MTHFD2L: variants seen among roughly 807,000 people sequenced by gnomAD.
MTHFD2L encodes bifunctional methylenetetrahydrofolate dehydrogenase/cyclohydrolase 2, mitochondrial.
MTHFD2L carries 29 observed loss-of-function variants against 34.9 expected under a neutral mutation model. The ratio of observed to expected loss-of-function variants is 0.83; its 90% CI spans 0.62 to 1.13. The LOEUF is 1.13. Ranked by LOEUF, MTHFD2L falls within the 50% of genes most tolerant of loss-of-function variation. The probability of loss-of-function intolerance (pLI) is 0.00; values close to 1 mark genes in which losing one functional copy is unlikely to be tolerated. For synonymous variants in MTHFD2L, 167 were observed against 155.7 expected, an observed-to-expected ratio of 1.07 and a Z score of -0.54; for missense variants, 481 against 446.5, an observed-to-expected ratio of 1.08 and a Z score of -0.70.
chr4:74,239,525 T>C (rs1741387270), intron 6 of MTHFD2L, among the ~76,000 whole-genome samples: 1 of 151,940 alleles, frequency 6.6e-6, no homozygotes. Flanking sequence ...TGTCTTTTAC[T>C]GAAGCACATT....
rs138936051 is a variant in MTHFD2L at position 74,238,292 on chromosome 4, A to C, written c.805+12898A>C. ...AGAAGGAAGGAATGTGTATTGGTAT[A>C]TATCTGTGGTGCGTTCTAAGGCAAC... On this transcript the variant is annotated intron_variant, in intron 6 of 7. Coordinates refer to ENST00000325278, the MANE Select transcript of MTHFD2L (RefSeq NM_001144978.3). Among the ~76,000 whole-genome samples, 893 of 152,242 alleles carry C rather than the reference A, an allele frequency of 5.9e-3. 16 individuals are homozygous for C. Among genetic ancestry groups the C allele is most frequent in the Non-Finnish European group, 4.1e-3 (277 of 68,000 alleles).
At chr4:74,182,441 A>G (rs574925106) in intron 3 of MTHFD2L, among the ~76,000 whole-genome samples, 10 of 152,322 alleles carry the variant, frequency 6.6e-5, no homozygotes, top group African/African-American at 2.4e-4. Flanking sequence ...TATTGTATAC[A>G]GGCCACGTTA....
At chr4:74,225,232 C>G (rs1738951342) in intron 5 of MTHFD2L, 70 bp from the exon 6 acceptor site, 2 of 1,156,164 alleles carry the variant, frequency 1.7e-6, no homozygotes. Context: ...TGAAACTCTT[C>G]TGGATTTAGA....
At chr4:74,158,431 C>T (rs894639152) in intron 1 of MTHFD2L, 150 bp downstream of exon 1, 114 of 531,784 alleles carry the variant, frequency 2.1e-4, no homozygotes, top group Non-Finnish European at 2.8e-4. Context: ...GTGAGGTGGC[C>T]TTGCCGGTCG....
At chr4:74,126,733 A>G (rs1484542076) in intron 1 of MTHFD2L, among the ~76,000 whole-genome samples, 1 of 152,116 alleles carries the variant, frequency 6.6e-6, no homozygotes, top group Non-Finnish European at 1.5e-5. Context: ...GATATCTTTT[A>G]TTGTCATGTA....
rs184744273 is a variant in MTHFD2L at position 74,132,281 on chromosome 4, C to A, written c.-297+6764C>A. ...TATAAATCATTCTACTATAATCACA[C>A]ATGCACAGGTATGTTTCTTGCAGCA... On this transcript the variant is annotated intron_variant, in intron 1 of 7. Transcript: ENST00000433372. 4.6e-3 allele frequency among the ~76,000 whole-genome samples: 708 copies of A among 152,266 alleles called. 4 individuals carry two copies. The highest frequency in any genetic ancestry group is 7.8e-3 in the Non-Finnish European group (531 of 68,028).
chr4:74,223,699 T>G (rs964192658), intron 5 of MTHFD2L, among the ~76,000 whole-genome samples: 4 of 152,096 alleles, frequency 2.6e-5, no homozygotes, highest in African/African-American at 9.7e-5. Context: ...CATGACATTT[T>G]TTGTTGAGTT....
At chr4:74,158,369 A>G (rs975990677) in intron 1 of MTHFD2L, 88 bp downstream of exon 1, 12 of 1,000,874 alleles carry the variant, frequency 1.2e-5, no homozygotes, top group African/African-American at 1.7e-5. Context: ...GTGGGGCCCA[A>G]GGCTCGTGGG....
chr4:74,253,489 A>G (rs1743592994), intron 6 of MTHFD2L, among the ~76,000 whole-genome samples: 1 of 152,142 alleles, frequency 6.6e-6, no homozygotes, highest in Non-Finnish European at 1.5e-5. Flanking sequence ...TAGGAAGGAC[A>G]TTTTTACATT....
intron 5 of MTHFD2L, among the ~76,000 whole-genome samples, chr4:74,220,740 A>G (rs945172386): frequency 6.6e-6 from 1 of 151,662 alleles, no homozygotes; most frequent in African/African-American, 2.4e-5. Flanking sequence ...GATGTTATAT[A>G]TGAAAGCTAT....
chr4:74,292,375 G>A (rs941384981), intron 7 of MTHFD2L, among the ~76,000 whole-genome samples: 2 of 152,142 alleles, frequency 1.3e-5, no homozygotes, highest in African/African-American at 4.8e-5. Flanking sequence ...GAACTGTGAT[G>A]AGTTTTTTTT....
intron 1 of MTHFD2L, among the ~76,000 whole-genome samples, chr4:74,128,673 A>C (rs1473174300): frequency 2.0e-5 from 3 of 151,478 alleles, no homozygotes; most frequent in Non-Finnish European, 4.4e-5. Context: ...TGTGTTTTTT[A>C]CTCAGGATTG....
At chr4:74,149,445 T>A (rs927026659) in intron 1 of MTHFD2L, among the ~76,000 whole-genome samples, 1 of 146,970 alleles carries the variant, frequency 6.8e-6, no homozygotes, top group Admixed American at 6.8e-5. Context: ...ACAAAATAAA[T>A]ATGTTTTGGA....
At chr4:74,126,769 A>AT (rs1722106863) in intron 1 of MTHFD2L, among the ~76,000 whole-genome samples, 1 of 151,370 alleles carries the variant, frequency 6.6e-6, no homozygotes, top group Non-Finnish European at 1.5e-5. Flanking sequence ...TATACTTTAT[A>AT]TTTTTTTATT....
chr4:74,163,503 G>A (rs927122715), intron 1 of MTHFD2L, among the ~76,000 whole-genome samples: 1 of 151,836 alleles, frequency 6.6e-6, no homozygotes, highest in Non-Finnish European at 1.5e-5. Flanking sequence ...TGGATACGAA[G>A]AAGAGTCATA....
chr4:74,295,268 T>C (rs1271953739), intron 7 of MTHFD2L, among the ~76,000 whole-genome samples: 1 of 152,062 alleles, frequency 6.6e-6, no homozygotes, highest in Non-Finnish European at 1.5e-5. Flanking sequence ...TCCATTATAT[T>C]AAATTTATTG....
intron 1 of MTHFD2L, among the ~76,000 whole-genome samples, chr4:74,128,223 T>C (rs915352647): frequency 6.6e-5 from 10 of 152,180 alleles, no homozygotes; most frequent in African/African-American, 2.2e-4. Flanking sequence ...TTTTTCTTGC[T>C]GTGCAGAAGC....
chr4:74,296,602 C>A (rs1426079144), intron 7 of MTHFD2L, among the ~76,000 whole-genome samples: 2 of 152,060 alleles, frequency 1.3e-5, no homozygotes, highest in African/African-American at 2.4e-5. Flanking sequence ...AGTAGCCATA[C>A]TACAGCAGTG....
At chr4:74,266,724 A>G (rs1578661179) in intron 6 of MTHFD2L, 2 of 331,464 alleles carry the variant, frequency 6.0e-6, no homozygotes, top group South Asian at 1.2e-4. Context: ...TCTTGAAGCT[A>G]AGAAGTAAGG....
Sources: allele counts gnomAD v4.1 joint callset (sites outside exome capture counted in the v4.1 genomes callset), GRCh38; gene constraint gnomAD v4.1.1; transcripts MANE v1.5; gene names NCBI Gene and HGNC (gene_info 2026-07-23, HGNC 2026-07-21).